The following LIN52 variants were observed in gnomAD, a reference collection of about 807,000 sequenced individuals.
The protein encoded by LIN52 is protein lin-52 homolog.
In LIN52, 4 loss-of-function variants were observed where a neutral mutation model predicts 18.5. That is an observed-to-expected ratio of 0.22 (90% confidence interval 0.11 to 0.49). The LOEUF is 0.49. Among genes scored for constraint, LIN52 ranks in the 20% least tolerant of loss-of-function variants. The probability of loss-of-function intolerance (pLI) is 0.97; values close to 1 mark genes in which losing one functional copy is unlikely to be tolerated. For missense variants in LIN52, 102 were observed against 139.5 expected, an observed-to-expected ratio of 0.73 and a Z score of 1.35; for synonymous variants, 34 against 45.5, an observed-to-expected ratio of 0.75 and a Z score of 1.02.
chr14:74,143,883 T>A (rs1595173622), intron 5 of LIN52, among the ~76,000 whole-genome samples: 1 of 152,126 alleles, frequency 6.6e-6, no homozygotes, highest in East Asian at 1.9e-4. Flanking sequence ...AACTCCTGTA[T>A]AATTGTAATT....
intron 3 of LIN52, among the ~76,000 whole-genome samples, 162 bp downstream of exon 3, chr14:74,096,147 A>G (rs2060810903): frequency 6.6e-6 from 1 of 152,042 alleles, no homozygotes; most frequent in Non-Finnish European, 1.5e-5. Flanking sequence ...TGCAACTTCC[A>G]CTTACCAAGT....
chr14:74,088,596 T>A (rs928384644), intron 1 of LIN52, among the ~76,000 whole-genome samples: 2 of 152,230 alleles, frequency 1.3e-5, no homozygotes, highest in Admixed American at 1.3e-4. Flanking sequence ...TTTTGGATGC[T>A]TTAATTAAGG....
At position 74,198,952 on chromosome 14, in the gene LIN52, A is replaced by G. The variant is rs765460206; in HGVS notation, c.314A>G (p.Asn105Ser). ...SREMTRGKFL[N>S]ILEKPKK ...GAGATGACACGGGGGAAATTCCTCA[A>G]TATTCTAGAGAAGCCCAAGAAGTAG... is the stretch of plus-strand genomic sequence containing the variant. The change falls in exon 6 of 6, where the codon AAT (asparagine) becomes AGT (serine). Residue 105 changes from asparagine (N) to serine (S), a missense_variant. Physicochemically the swap from Asn to Ser is conservative, Grantham distance 46 (BLOSUM62 1). Coordinates refer to ENST00000555028, the MANE Select transcript of LIN52 (RefSeq NM_001024674.3). The G allele has an allele frequency of 3.1e-6, 5 of 1,613,382 alleles. No homozygotes were observed. The highest frequency in any genetic ancestry group is 2.2e-5 in the South Asian group (2 of 91,054).
At chr14:74,147,304 G>T (rs995313156) in intron 5 of LIN52, among the ~76,000 whole-genome samples, 5 of 151,946 alleles carry the variant, frequency 3.3e-5, no homozygotes, top group African/African-American at 1.2e-4. Flanking sequence ...AATAAAATTG[G>T]ACCCTCTACC....
At position 74,183,711 on chromosome 14, in the gene LIN52, C is replaced by G. The variant is rs149882475; in HGVS notation, c.284-15211C>G. 2.5e-3 allele frequency among the ~76,000 whole-genome samples: 381 copies of G among 152,000 alleles called. 1 individual carries two copies. Among genetic ancestry groups the G allele is most frequent in the East Asian group, 6.6e-3 (34 of 5,176 alleles). On this transcript the variant is annotated intron_variant, in intron 5 of 5. Transcript: ENST00000555028. ...TCTGCTATTCTTGTTTTATCTGTACCCCCTTTATCACACTTTTTGTTATGT... is the reference window on the plus strand; with the variant it reads ...TCTGCTATTCTTGTTTTATCTGTACGCCCTTTATCACACTTTTTGTTATGT...
chr14:74,088,203 G>T (rs2060748469), intron 1 of LIN52, among the ~76,000 whole-genome samples: 1 of 152,126 alleles, frequency 6.6e-6, no homozygotes, highest in South Asian at 2.1e-4. Flanking sequence ...TAATTCTCAT[G>T]CATCAGCCTC....
At chr14:74,090,094 C>T (rs1407605952) in intron 1 of LIN52, among the ~76,000 whole-genome samples, 3 of 150,050 alleles carry the variant, frequency 2.0e-5, no homozygotes, top group Non-Finnish European at 4.4e-5. Context: ...TCTTGGCTCA[C>T]TGCAACCTCC....
chr14:74,137,498 C>CTCTGTT (rs776969152), intron 5 of LIN52, among the ~76,000 whole-genome samples: 1 of 111,624 alleles, frequency 9.0e-6, no homozygotes, highest in Admixed American at 9.3e-5. Context: ...CAGCAGCTCT[C>CTCTGTT]TTTTTTTTTT....
chr14:74,163,867 A>G (rs528506240), intron 5 of LIN52, among the ~76,000 whole-genome samples: 211 of 152,314 alleles, frequency 1.4e-3, no homozygotes, highest in African/African-American at 4.6e-3. Context: ...TCACATACCT[A>G]TATCACCTGC....
chr14:74,152,119 C>G (rs1312297454), intron 5 of LIN52, among the ~76,000 whole-genome samples: 1 of 151,978 alleles, frequency 6.6e-6, no homozygotes, highest in African/African-American at 2.4e-5. Context: ...AAAAATTAGC[C>G]TGACATGATG....
At chr14:74,160,732 T>C (rs73305189) in intron 5 of LIN52, among the ~76,000 whole-genome samples, 226 of 152,338 alleles carry the variant, frequency 1.5e-3, no homozygotes, top group African/African-American at 4.9e-3. Flanking sequence ...ATAACCAATC[T>C]AATACTCTCT....
At chr14:74,155,903 A>G (rs1472805156) in intron 5 of LIN52, among the ~76,000 whole-genome samples, 1 of 152,148 alleles carries the variant, frequency 6.6e-6, no homozygotes, top group Non-Finnish European at 1.5e-5. Flanking sequence ...CCTTTCCTCT[A>G]GCATCCTGCT....
At position 74,200,548 on chromosome 14, in the gene LIN52, G is replaced by C. The variant is rs2078942419; in HGVS notation, c.*1571G>C. ...CATGGCACTCTTCAGTTTAACAGCT[G>C]ATCCATTAAACCTTTTCTGACATTT... On this transcript the variant is annotated 3_prime_UTR_variant, in exon 6 of 6. Transcript: ENST00000555028. 6.6e-6 allele frequency: 1 copy of C among 151,760 alleles called. No individual in the cohort carries two copies. Among genetic ancestry groups the C allele is most frequent in the South Asian group, 2.1e-4 (1 of 4,808 alleles). 9.4% of individuals were successfully genotyped at this position (151,760 alleles called of 1,614,324 possible).
At chr14:74,103,735 T>G (rs1473414202) in intron 5 of LIN52, among the ~76,000 whole-genome samples, 1 of 17,502 alleles carries the variant, frequency 5.7e-5, no homozygotes, top group Non-Finnish European at 1.1e-4. Context: ...CCTGGCCAGT[T>G]TTTTTTTTTT....
intron 5 of LIN52, among the ~76,000 whole-genome samples, chr14:74,158,565 A>G (rs1211262108): frequency 6.6e-6 from 1 of 151,600 alleles, no homozygotes; most frequent in African/African-American, 2.4e-5. Context: ...TGCAACCTCC[A>G]CCTCCCGGGT....
intron 1 of LIN52, among the ~76,000 whole-genome samples, chr14:74,087,531 C>A (rs2060742306): frequency 6.6e-6 from 1 of 151,800 alleles, no homozygotes; most frequent in Admixed American, 6.6e-5. Flanking sequence ...AAGTTTCACT[C>A]CTCTCCACCT....
At chr14:74,189,156 T>A in intron 5 of LIN52, among the ~76,000 whole-genome samples, 1 of 152,224 alleles carries the variant, frequency 6.6e-6, no homozygotes. Context: ...TTTGACTAGT[T>A]GTTGTTCTTC....
intron 5 of LIN52, among the ~76,000 whole-genome samples, chr14:74,104,071 G>T (rs2060881349): frequency 6.6e-6 from 1 of 151,668 alleles, no homozygotes; most frequent in African/African-American, 2.4e-5. Context: ...GCTAATTTTT[G>T]TATTTTTAGT....
At chr14:74,149,334 T>C (rs1307595121) in intron 5 of LIN52, among the ~76,000 whole-genome samples, 1 of 152,202 alleles carries the variant, frequency 6.6e-6, no homozygotes, top group Non-Finnish European at 1.5e-5. Context: ...AGTGGATATT[T>C]TTATAACTCT....
Sources: gnomAD v4.1 joint callset for allele counts (sites outside exome capture counted in the v4.1 genomes callset) on GRCh38, gnomAD v4.1.1 for gene constraint, MANE v1.5 for transcripts, NCBI Gene and HGNC (gene_info 2026-07-23, HGNC 2026-07-21) for gene names.